The following ITPR1 variants were observed in gnomAD, a reference collection of about 807,000 sequenced individuals.
ITPR1 encodes inositol 1,4,5-trisphosphate receptor type 1.
A neutral mutation model predicts 318.4 loss-of-function variants in ITPR1; 96 were observed. The observed-to-expected ratio is 0.30, with a 90% CI of 0.26 to 0.36. The LOEUF is 0.36. ITPR1 is among the 10% of genes least tolerant of loss of function. The probability of loss-of-function intolerance (pLI) is 1.00; values close to 1 mark genes in which losing one functional copy is unlikely to be tolerated. For missense variants in ITPR1, 2,440 were observed against 3,460.2 expected (o/e 0.71, Z 7.40); for synonymous variants, 1,312 against 1,289.9 (o/e 1.02, Z -0.37).
chr3:4,702,733 C>A lies in ITPR1; in HGVS notation c.4537-97C>A, dbSNP rs1189391137. ...GCAGTGTCTGTCTCTGATCTGGGGTCCAGTGGTTCAAGACAATGTCTCTGT... is the reference window on the plus strand; with the variant it reads ...GCAGTGTCTGTCTCTGATCTGGGGTACAGTGGTTCAAGACAATGTCTCTGT... On this transcript the variant is annotated intron_variant, in intron 35 of 61. Transcript: ENST00000649015. 18 of 1,304,750 alleles carry A rather than the reference C, an allele frequency of 1.4e-5. No homozygotes were observed. The Admixed American group carries it at 3.2e-4, about 23-fold the overall frequency. The allele number at this position is 1,304,750 out of a possible 1,614,324, so 80.8% of individuals were successfully genotyped here.
chr3:4,589,757 G>C (rs1231420804), intron 4 of ITPR1, among the ~76,000 whole-genome samples: 1 of 136,250 alleles, frequency 7.3e-6, no homozygotes, highest in Admixed American at 7.3e-5. Context: ...AGATTACCCA[G>C]AAGAATTAAA....
At chr3:4,601,871 A>G (rs2322735) in intron 4 of ITPR1, among the ~76,000 whole-genome samples, 108,393 of 152,062 alleles carry the variant, frequency 0.71, 39,118 homozygotes, top group Non-Finnish European at 0.77. Flanking sequence ...AAATAGCCCA[A>G]TTTAAAAATA....
At chr3:4,609,996 C>A (rs1001963027) in intron 4 of ITPR1, among the ~76,000 whole-genome samples, 2 of 152,064 alleles carry the variant, frequency 1.3e-5, no homozygotes, top group Non-Finnish European at 2.9e-5. Context: ...ACCAGGTCAG[C>A]TGTACTTGAT....
At chr3:4,654,959 C>CT (rs1046219351) in intron 12 of ITPR1, among the ~76,000 whole-genome samples, 7 of 152,208 alleles carry the variant, frequency 4.6e-5, no homozygotes, top group East Asian at 3.9e-4. Context: ...GCTCACCTTC[C>CT]TTTTTTTCAT....
chr3:4,782,488 A>T, intron 49 of ITPR1, 131 bp from the exon 50 acceptor site: 1 of 872,952 alleles, frequency 1.1e-6, no homozygotes. Context: ...GGCTGTGTCC[A>T]AGCCCGATAG....
At chr3:4,679,655 C>A (rs1017827731) in intron 24 of ITPR1, among the ~76,000 whole-genome samples, 2 of 152,194 alleles carry the variant, frequency 1.3e-5, no homozygotes, top group Admixed American at 6.5e-5. Flanking sequence ...TCTGGAAACC[C>A]CCTCATAGAT....
At chr3:4,759,966 A>G (rs2045320447) in intron 44 of ITPR1, among the ~76,000 whole-genome samples, 2 of 152,164 alleles carry the variant, frequency 1.3e-5, no homozygotes, top group South Asian at 4.1e-4. Context: ...CTTAAAGCGT[A>G]TCTGATCAGA....
chr3:4,846,307 G>A lies in ITPR1; in HGVS notation c.*82G>A, dbSNP rs749709975. 9 of 891,882 alleles carry A rather than the reference G, an allele frequency of 1.0e-5. No homozygotes were observed. The highest frequency in any genetic ancestry group is 1.5e-5 in the South Asian group (1 of 65,408). 55.2% of individuals were successfully genotyped at this position (891,882 alleles called of 1,614,324 possible). A position where few individuals can be genotyped will look rare whatever the true frequency, so the allele number is the denominator to read the frequency against. ...GGCTAATGAGTTCTGATTCACCCAC[G>A]AAGGTTACATTTATGCTGAATACAT... On this transcript the variant is annotated 3_prime_UTR_variant, in exon 62 of 62. Coordinates refer to ENST00000649015, the MANE Select transcript of ITPR1 (RefSeq NM_001378452.1).
chr3:4,705,243 A>G (rs1169108023), intron 36 of ITPR1, among the ~76,000 whole-genome samples: 1 of 152,158 alleles, frequency 6.6e-6, no homozygotes, highest in African/African-American at 2.4e-5. Flanking sequence ...AAAATCTTTT[A>G]TTTTGGAATA....
chr3:4,728,774 A>T (rs1241542713), intron 42 of ITPR1, among the ~76,000 whole-genome samples: 1 of 152,172 alleles, frequency 6.6e-6, no homozygotes, highest in African/African-American at 2.4e-5. Context: ...ATAAATGGGT[A>T]GCCAGATGCA....
chr3:4,721,974 T>A (rs892741987), intron 40 of ITPR1, among the ~76,000 whole-genome samples: 1 of 152,220 alleles, frequency 6.6e-6, no homozygotes, highest in African/African-American at 2.4e-5. Context: ...TAGAAATTTG[T>A]CCCTTGATAA....
At chr3:4,745,712 G>A (rs906772424) in intron 44 of ITPR1, among the ~76,000 whole-genome samples, 3 of 152,040 alleles carry the variant, frequency 2.0e-5, no homozygotes, top group Admixed American at 6.6e-5. Context: ...TACAGCTCTC[G>A]GTCCCACCTC....
intron 10 of ITPR1, among the ~76,000 whole-genome samples, chr3:4,647,601 A>T (rs1279890989): frequency 6.6e-6 from 1 of 152,212 alleles, no homozygotes; most frequent in African/African-American, 2.4e-5. Flanking sequence ...CCTTACCAAC[A>T]CTTGGTATAG....
At chr3:4,591,578 A>C (rs1361986547) in intron 4 of ITPR1, among the ~76,000 whole-genome samples, 1 of 152,238 alleles carries the variant, frequency 6.6e-6, no homozygotes, top group Non-Finnish European at 1.5e-5. Context: ...AAAGAGGAAA[A>C]ATAAAAAATG....
intron 7 of ITPR1, among the ~76,000 whole-genome samples, chr3:4,642,593 A>G (rs1212959268): frequency 1.3e-5 from 2 of 152,302 alleles, no homozygotes; most frequent in South Asian, 2.1e-4. Flanking sequence ...TATCTTTTCT[A>G]TTTTGGAAAT....
intron 4 of ITPR1, among the ~76,000 whole-genome samples, chr3:4,598,211 G>T (rs1266213282): frequency 6.6e-6 from 1 of 152,190 alleles, no homozygotes; most frequent in Non-Finnish European, 1.5e-5. Flanking sequence ...CCTGTCATTG[G>T]CTTCTGTGCA....
rs757482826 is a variant in ITPR1 at position 4,683,642 on chromosome 3, T to A, written c.3342T>A (p.Val1114=). 3.1e-6 allele frequency: 5 copies of A among 1,614,044 alleles called. No homozygotes were observed. Among genetic ancestry groups the A allele is most frequent in the Non-Finnish European group, 4.2e-6 (5 of 1,179,892 alleles). ...LQAFKQVQLL[V]TSQDVDNYKQ... is the part of the protein sequence containing the mutation. The stretch of plus-strand genomic sequence containing the variant: ...CGTTCATTAAGGTTCAACTGCTGGT[T>A]ACCAGCCAAGATGTGGACAACTACA... The change falls in exon 28 of 62, where the codon GTT becomes GTA. Residue 1114 remains valine, a synonymous_variant. Transcript: ENST00000649015.
intron 41 of ITPR1, among the ~76,000 whole-genome samples, chr3:4,725,962 A>G (rs2042485860): frequency 6.6e-6 from 1 of 152,224 alleles, no homozygotes; most frequent in Non-Finnish European, 1.5e-5. Context: ...ATTATAAATC[A>G]ATAATAAAGA....
At chr3:4,541,507 A>G (rs2084435678) in intron 4 of ITPR1, among the ~76,000 whole-genome samples, 1 of 152,048 alleles carries the variant, frequency 6.6e-6, no homozygotes, top group Admixed American at 6.5e-5. Context: ...TAATTTTACT[A>G]GTATGAATAT....
Sources: allele counts gnomAD v4.1 joint callset (sites outside exome capture counted in the v4.1 genomes callset), GRCh38; gene constraint gnomAD v4.1.1; transcripts MANE v1.5; gene names NCBI Gene and HGNC (gene_info 2026-07-23, HGNC 2026-07-21).